The following CCSER1 variants were observed in gnomAD, a reference collection of about 807,000 sequenced individuals.
CCSER1 encodes coiled-coil serine rich protein 1.
A neutral mutation model predicts 82.0 loss-of-function variants in CCSER1; 41 were observed. That is an observed-to-expected ratio of 0.50 (90% confidence interval 0.39 to 0.65). The LOEUF (loss-of-function observed/expected upper bound fraction) is 0.65. Ranked by LOEUF, CCSER1 falls within the 30% of genes least tolerant of loss-of-function variation. The pLI, the probability that CCSER1 is intolerant of heterozygous loss-of-function variation, is 0.00. For missense variants in CCSER1, 1,119 were observed against 1,064.2 expected, an observed-to-expected ratio of 1.05 and a Z score of -0.72; for synonymous variants, 414 against 383.9, an observed-to-expected ratio of 1.08 and a Z score of -0.92.
chr4:90,980,440 A>T (rs1162624084), intron 9 of CCSER1, among the ~76,000 whole-genome samples: 4 of 151,798 alleles, frequency 2.6e-5, no homozygotes, highest in African/African-American at 9.7e-5. Flanking sequence ...CCTTCATGAA[A>T]GTAAGTTAGA....
intron 10 of CCSER1, among the ~76,000 whole-genome samples, chr4:91,175,103 G>A (rs909413512): frequency 1.3e-5 from 2 of 152,062 alleles, no homozygotes; most frequent in African/African-American, 4.8e-5. Flanking sequence ...ATAGTTTGCT[G>A]AGAATGATGG....
At chr4:90,951,937 T>TAC (rs767584750) in intron 9 of CCSER1, among the ~76,000 whole-genome samples, 4,691 of 151,850 alleles carry the variant, frequency 0.031, 194 homozygotes, top group African/African-American at 0.095. Context: ...ATGTTAATTT[T>TAC]ACACGCACAC....
intron 10 of CCSER1, among the ~76,000 whole-genome samples, chr4:91,359,055 C>A (rs1749071197): frequency 6.6e-6 from 1 of 152,148 alleles, no homozygotes; most frequent in African/African-American, 2.4e-5. Context: ...GCCTTAAAAT[C>A]CGAGTTCCCC....
intron 5 of CCSER1, among the ~76,000 whole-genome samples, chr4:90,612,705 G>A (rs76136859): frequency 0.028 from 4,186 of 152,202 alleles, 186 homozygotes; most frequent in African/African-American, 0.096. Flanking sequence ...AGTAGTATTT[G>A]AGAAACCAAA....
chr4:90,914,894 C>T (rs1337075457), intron 8 of CCSER1, among the ~76,000 whole-genome samples: 4 of 152,092 alleles, frequency 2.6e-5, no homozygotes, highest in Admixed American at 1.3e-4. Flanking sequence ...CACCTCTTCA[C>T]AGATAAACTA....
chr4:91,125,909 G>T (rs1288596796), intron 10 of CCSER1, among the ~76,000 whole-genome samples: 1 of 151,132 alleles, frequency 6.6e-6, no homozygotes, highest in Non-Finnish European at 1.5e-5. Context: ...TGAAAGACTG[G>T]GTTTAATCCA....
chr4:91,037,736 T>A (rs1280922666), intron 9 of CCSER1, among the ~76,000 whole-genome samples: 1 of 151,972 alleles, frequency 6.6e-6, no homozygotes, highest in Non-Finnish European at 1.5e-5. Context: ...TATCTATATA[T>A]CTTTTAATCT....
intron 8 of CCSER1, among the ~76,000 whole-genome samples, chr4:90,901,521 C>T (rs564029864): frequency 1.3e-5 from 2 of 151,932 alleles, no homozygotes; most frequent in Admixed American, 1.3e-4. Flanking sequence ...TGAAAGACAT[C>T]GTTATTCATT....
At chr4:90,646,386 G>A (rs1727609431) in intron 6 of CCSER1, among the ~76,000 whole-genome samples, 1 of 152,112 alleles carries the variant, frequency 6.6e-6, no homozygotes, top group South Asian at 2.1e-4. Context: ...GGGTTTGAGT[G>A]TGTGTATTTG....
chr4:91,154,839 T>G (rs1345848874), intron 10 of CCSER1, among the ~76,000 whole-genome samples: 2 of 151,986 alleles, frequency 1.3e-5, no homozygotes, highest in African/African-American at 4.8e-5. Flanking sequence ...TAAGTGCTCA[T>G]TTAATCTTTT....
intron 7 of CCSER1, among the ~76,000 whole-genome samples, chr4:90,756,915 G>T (rs1436373633): frequency 6.6e-6 from 1 of 151,972 alleles, no homozygotes; most frequent in Non-Finnish European, 1.5e-5. Context: ...ACACAGAGGA[G>T]GCTTATGTGT....
intron 10 of CCSER1, among the ~76,000 whole-genome samples, chr4:91,544,063 C>T (rs1422898636): frequency 6.6e-6 from 1 of 152,118 alleles, no homozygotes; most frequent in Non-Finnish European, 1.5e-5. Flanking sequence ...GATCTTCAAT[C>T]ACTGATACCC....
At chr4:91,205,126 A>G (rs73836876) in intron 10 of CCSER1, among the ~76,000 whole-genome samples, 1 of 151,738 alleles carries the variant, frequency 6.6e-6, no homozygotes, top group Non-Finnish European at 1.5e-5. Context: ...ATATTTATTA[A>G]TAATGAAATT....
At chr4:91,110,123 G>C (rs982416357) in intron 10 of CCSER1, among the ~76,000 whole-genome samples, 1 of 151,914 alleles carries the variant, frequency 6.6e-6, no homozygotes, top group Admixed American at 6.6e-5. Context: ...TATCATCAGT[G>C]TTGTCCTATG....
At chr4:91,152,114 T>C (rs1478893226) in intron 10 of CCSER1, among the ~76,000 whole-genome samples, 1 of 152,198 alleles carries the variant, frequency 6.6e-6, no homozygotes, top group Non-Finnish European at 1.5e-5. Flanking sequence ...AGTCTAAGTC[T>C]CTTTGTAGGT....
At chr4:90,781,229 T>C in intron 7 of CCSER1, 1 of 981,414 alleles carries the variant, frequency 1.0e-6, no homozygotes. Flanking sequence ...TTCCAAACTA[T>C]ATCACTCAGA....
chr4:90,153,833 G>A (rs2153354315), intron 1 of CCSER1, among the ~76,000 whole-genome samples: 1 of 152,220 alleles, frequency 6.6e-6, no homozygotes, highest in South Asian at 2.1e-4. Context: ...TTTGTAGGTT[G>A]CCTATTCACT....
At chr4:90,198,093 A>G (rs2153402344) in intron 1 of CCSER1, among the ~76,000 whole-genome samples, 1 of 152,282 alleles carries the variant, frequency 6.6e-6, no homozygotes, top group African/African-American at 2.4e-5. Context: ...TTAAAAATTA[A>G]AATATAGAAA....
intron 10 of CCSER1, among the ~76,000 whole-genome samples, chr4:91,426,519 A>G (rs2149388623): frequency 6.6e-6 from 1 of 152,058 alleles, no homozygotes; most frequent in South Asian, 2.1e-4. Context: ...AAAAAAAAAG[A>G]AAAGTAGTGG....
Sources: allele counts gnomAD v4.1 joint callset (sites outside exome capture counted in the v4.1 genomes callset), GRCh38; gene constraint gnomAD v4.1.1; transcripts MANE v1.5; gene names NCBI Gene and HGNC (gene_info 2026-07-23, HGNC 2026-07-21).